HEATR5A: variants seen among roughly 807,000 people sequenced by gnomAD.
The protein encoded by HEATR5A is HEAT repeat containing 5A, also known as HEAT repeat-containing protein 5A.
Under a neutral mutation model 218.8 loss-of-function variants are expected in HEATR5A, and 178 were observed. The observed-to-expected ratio is 0.81, with a 90% CI of 0.72 to 0.92. HEATR5A has a LOEUF of 0.92. HEATR5A is among the 40% of genes least tolerant of loss of function. The probability of loss-of-function intolerance (pLI) is 0.00; values close to 1 mark genes in which losing one functional copy is unlikely to be tolerated. For missense variants in HEATR5A, 2,420 were observed against 2,418.9 expected, an observed-to-expected ratio of 1.00 and a Z score of -0.01; for synonymous variants, 864 against 871.6, an observed-to-expected ratio of 0.99 and a Z score of 0.15.
intron 1 of HEATR5A, among the ~76,000 whole-genome samples, chr14:31,407,160 G>A (rs751224763): frequency 2.6e-4 from 40 of 151,872 alleles, no homozygotes; most frequent in Admixed American, 4.6e-4. Context: ...GCATGGTGGT[G>A]CACACCTGCA....
chr14:31,330,075 C>T (rs1209064916), intron 22 of HEATR5A, among the ~76,000 whole-genome samples: 1 of 152,190 alleles, frequency 6.6e-6, no homozygotes, highest in African/African-American at 2.4e-5. Flanking sequence ...TGTGTGGGGG[C>T]TCTGACCCTT....
intron 14 of HEATR5A, among the ~76,000 whole-genome samples, chr14:31,361,927 C>G (rs758698286): frequency 3.3e-4 from 50 of 151,786 alleles, no homozygotes; most frequent in Non-Finnish European, 6.0e-4. Flanking sequence ...ATTGGAGGAA[C>G]CAATAAAATC....
At chr14:31,325,912 G>A in intron 23 of HEATR5A, 2 of 511,994 alleles carry the variant, frequency 3.9e-6, no homozygotes, top group Non-Finnish European at 6.9e-6. Context: ...TTTTTAATTT[G>A]TTTTATATAG....
At chr14:31,325,847 G>A in intron 23 of HEATR5A, 1 of 284,098 alleles carries the variant, frequency 3.5e-6, no homozygotes, top group Non-Finnish European at 6.6e-6. Flanking sequence ...GAAAAGAAAT[G>A]ATGGGAACAA....
chr14:31,301,532 T>C (rs1030884554), intron 33 of HEATR5A, among the ~76,000 whole-genome samples: 2 of 152,324 alleles, frequency 1.3e-5, no homozygotes, highest in Non-Finnish European at 2.9e-5. Context: ...TAATAATTTC[T>C]TGCAACATAA....
chr14:31,378,544 T>C (rs949698257), intron 11 of HEATR5A, among the ~76,000 whole-genome samples: 9 of 152,100 alleles, frequency 5.9e-5, no homozygotes, highest in Non-Finnish European at 1.0e-4. Flanking sequence ...TCCCAGCGCT[T>C]TGGGAGGCCG....
At position 31,350,701 on chromosome 14, in the gene HEATR5A, G is replaced by C. The variant is rs1011887563; in HGVS notation, c.2428C>G (p.Gln810Glu). 6.3e-7 allele frequency: 1 copy of C among 1,577,438 alleles called. No individual in the cohort carries two copies. Among genetic ancestry groups the C allele is most frequent in the Admixed American group, 1.7e-5 (1 of 57,546 alleles). The change falls in exon 17 of 36, where the codon CAG becomes GAG. Residue 810 changes from glutamine (Q) to glutamate (E), a missense_variant. By Grantham distance (29) the Gln-to-Glu change is conservative. Coordinates refer to ENST00000543095, the MANE Select transcript of HEATR5A (RefSeq NM_015473.4). The stretch of plus-strand genomic sequence containing the variant: ...GTGTGCTTTATACTGTCCAAAAGCT[G>C]TTCCAATATAAGAAGCCTACAATCA... ...GETQRLLILE[Q>E]LLDSIKHTKG...
chr14:31,307,924 G>A lies in HEATR5A; in HGVS notation c.4787C>T (p.Pro1596Leu). ...LHALQALLDV[P>L]WPRSKIGSDQ... ...ACTGCCAATTTTTGATCTGGGCCAA[G>A]GTACATCTAGAAGTGCTTGCAATGC... The change falls in exon 30 of 36, where the codon CCT becomes CTT. Residue 1596 changes from proline to leucine, a missense_variant. By Grantham distance (98) the Pro-to-Leu change is moderately conservative (BLOSUM62 -3). Transcript: ENST00000543095. 1.2e-6 allele frequency: 2 copies of A among 1,613,644 alleles called. No individual in the cohort carries two copies. Among genetic ancestry groups the A allele is most frequent in the Middle Eastern group, 1.7e-4 (1 of 6,060 alleles).
At chr14:31,384,330 G>C (rs1419710964) in intron 9 of HEATR5A, among the ~76,000 whole-genome samples, 1 of 151,750 alleles carries the variant, frequency 6.6e-6, no homozygotes, top group African/African-American at 2.4e-5. Flanking sequence ...TGCTGTCCCA[G>C]CTACTAGGGA....
At chr14:31,362,550 C>T (rs1225312542) in intron 14 of HEATR5A, among the ~76,000 whole-genome samples, 2 of 146,734 alleles carry the variant, frequency 1.4e-5, no homozygotes, top group Non-Finnish European at 3.0e-5. Context: ...ATCACTGAAG[C>T]CCAGAAATTT....
At chr14:31,297,888 T>C (rs531749826) in intron 33 of HEATR5A, among the ~76,000 whole-genome samples, 3 of 152,198 alleles carry the variant, frequency 2.0e-5, no homozygotes, top group Non-Finnish European at 2.9e-5. Context: ...TTAACTATAA[T>C]GCTATACTGC....
chr14:31,313,984 G>T (rs1899837214), intron 27 of HEATR5A, among the ~76,000 whole-genome samples: 1 of 152,130 alleles, frequency 6.6e-6, no homozygotes, highest in African/African-American at 2.4e-5. Context: ...GTCTCACCCT[G>T]TCACCCAGGC....
chr14:31,369,727 A>C (rs561702331), intron 13 of HEATR5A, among the ~76,000 whole-genome samples: 16 of 149,968 alleles, frequency 1.1e-4, no homozygotes, highest in Non-Finnish European at 2.4e-4. Flanking sequence ...CAGGAGTTTG[A>C]GACCAGCCTG....
intron 34 of HEATR5A, chr14:31,295,655 C>G: frequency 4.1e-6 from 1 of 244,056 alleles, no homozygotes; most frequent in East Asian, 8.4e-5. Flanking sequence ...CTACATCAAT[C>G]TTAAGATTCC....
In HEATR5A at chr14:31,369,125, T is replaced by C. The variant is rs1474503915; in HGVS notation, c.1961+2685A>G. On this transcript the variant is annotated intron_variant, in intron 13 of 35. Transcript: ENST00000543095. ...CAGTCTAGGCAACATAGTGAGGCCC[T>C]GTGTCTACAAAAAAGTAAAAAATTA... 3.9e-5 allele frequency among the ~76,000 whole-genome samples: 6 copies of C among 152,016 alleles called. No homozygotes were observed. In the East Asian group the frequency reaches 1.2e-3, roughly 30 times the overall value.
chr14:31,355,083 C>T (rs781019282), intron 16 of HEATR5A, among the ~76,000 whole-genome samples: 35 of 152,204 alleles, frequency 2.3e-4, no homozygotes, highest in Admixed American at 3.9e-4. Context: ...TTAATCAACT[C>T]ATTCTTTGCA....
At position 31,293,368 on chromosome 14, in the gene HEATR5A, T is replaced by A; in HGVS notation, c.6078A>T (p.Thr2026=). Residue 2026 remains threonine, a synonymous_variant, in exon 36 of 36, where the codon ACA becomes ACT. Transcript: ENST00000543095. ...NQESVKVKIP[T]SKYTKSPGKN... ...TTCCAGGACTCTTAGTATATTTAGA[T>A]GTTGGTATCTTGACTTTGACACTTT... is the stretch of plus-strand genomic sequence containing the variant. 2 of 1,613,836 alleles carry A rather than the reference T, an allele frequency of 1.2e-6. No individual in the cohort carries two copies. The highest frequency in any genetic ancestry group is 1.7e-6 in the Non-Finnish European group (2 of 1,179,810).
chr14:31,341,702 C>T (rs972296294), intron 21 of HEATR5A, among the ~76,000 whole-genome samples: 1 of 152,064 alleles, frequency 6.6e-6, no homozygotes, highest in East Asian at 1.9e-4. Context: ...CCCAGCTGAT[C>T]AGATTTTATT....
At chr14:31,380,347 T>A (rs2029930887) in intron 11 of HEATR5A, 120 bp downstream of exon 11, 1 of 607,660 alleles carries the variant, frequency 1.6e-6, no homozygotes, top group South Asian at 2.5e-5. Context: ...AAAATGTTTG[T>A]GTGGCTATTT....
Sources: allele counts gnomAD v4.1 joint callset (sites outside exome capture counted in the v4.1 genomes callset), GRCh38; gene constraint gnomAD v4.1.1; transcripts MANE v1.5; gene names NCBI Gene and HGNC (gene_info 2026-07-23, HGNC 2026-07-21).